The following CACNA1E variants were observed in gnomAD, a reference collection of about 807,000 sequenced individuals.
CACNA1E encodes the protein voltage-dependent R-type calcium channel subunit alpha-1E.
In CACNA1E, 40 loss-of-function variants were observed where a neutral mutation model predicts 259.2. That is an observed-to-expected ratio of 0.15 (90% CI 0.12 to 0.20). The LOEUF is 0.20. Among genes scored for constraint, CACNA1E ranks in the 10% least tolerant of loss-of-function variants. The probability of loss-of-function intolerance (pLI) is 1.00; values close to 1 mark genes in which losing one functional copy is unlikely to be tolerated. For synonymous variants in CACNA1E, 1,104 were observed against 1,138.5 expected (o/e 0.97, Z 0.61); for missense variants, 1,874 against 3,040.1 (o/e 0.62, Z 9.02).
chr1:181,380,173 A>G (rs1387644186), intron 1 of CACNA1E, among the ~76,000 whole-genome samples: 2 of 151,814 alleles, frequency 1.3e-5, no homozygotes, highest in Admixed American at 6.6e-5. Context: ...AAGAGGAAAA[A>G]ACTTATCAAT....
chr1:181,501,949 T>G (rs202080588), intron 1 of CACNA1E, among the ~76,000 whole-genome samples: 2 of 152,228 alleles, frequency 1.3e-5, no homozygotes, highest in East Asian at 3.8e-4. Context: ...TTTTAGTCTT[T>G]TTTTTTAAGA....
intron 1 of CACNA1E, among the ~76,000 whole-genome samples, chr1:181,336,917 A>G (rs1231305510): frequency 2.7e-5 from 3 of 112,660 alleles, no homozygotes; most frequent in African/African-American, 1.0e-4. Flanking sequence ...TTTATATTAC[A>G]TCTATATAAT....
intron 1 of CACNA1E, among the ~76,000 whole-genome samples, chr1:181,338,415 A>G (rs990012367): frequency 4.0e-5 from 6 of 151,476 alleles, no homozygotes; most frequent in African/African-American, 1.5e-4. Context: ...CATTTCCCTG[A>G]TGATTAGTGA....
At chr1:181,331,213 G>GAGAC (rs139141886) in intron 1 of CACNA1E, among the ~76,000 whole-genome samples, 1 of 151,670 alleles carries the variant, frequency 6.6e-6, no homozygotes, top group Non-Finnish European at 1.5e-5. Flanking sequence ...GAATCAATAG[G>GAGAC]AGATAGATAG....
chr1:181,685,389 G>A (rs547811859), intron 7 of CACNA1E, among the ~76,000 whole-genome samples: 12 of 152,102 alleles, frequency 7.9e-5, no homozygotes, highest in Admixed American at 5.2e-4. Context: ...TGAGGGAACC[G>A]AGTTGGAATG....
intron 1 of CACNA1E, among the ~76,000 whole-genome samples, chr1:181,338,142 G>A (rs935859787): frequency 6.6e-6 from 1 of 152,154 alleles, no homozygotes; most frequent in African/African-American, 2.4e-5. Flanking sequence ...CTGGAGTGCG[G>A]TGGCGTGATC....
chr1:181,729,216 C>T (rs557474613), intron 18 of CACNA1E, among the ~76,000 whole-genome samples: 59 of 151,428 alleles, frequency 3.9e-4, no homozygotes, highest in African/African-American at 1.3e-3. Context: ...GGTGTGTGTG[C>T]CCTGCTCAGC....
intron 2 of CACNA1E, among the ~76,000 whole-genome samples, chr1:181,456,236 A>G (rs1661455206): frequency 6.6e-6 from 1 of 152,150 alleles, no homozygotes; most frequent in Non-Finnish European, 1.5e-5. Context: ...AAGGCTGGAA[A>G]TTAGTGCAGG....
chr1:181,726,529 G>A (rs1343228886), intron 18 of CACNA1E, among the ~76,000 whole-genome samples: 1 of 151,726 alleles, frequency 6.6e-6, no homozygotes, highest in Non-Finnish European at 1.5e-5. Flanking sequence ...ACATTTTGAA[G>A]GAAGAGTGTT....
chr1:181,393,225 G>A (rs1656421804), intron 1 of CACNA1E, among the ~76,000 whole-genome samples: 2 of 152,214 alleles, frequency 1.3e-5, no homozygotes, highest in Admixed American at 6.5e-5. Context: ...ACCAGTTATG[G>A]GATTTTAGGA....
intron 1 of CACNA1E, among the ~76,000 whole-genome samples, chr1:181,362,186 A>T (rs972445210): frequency 2.0e-5 from 3 of 152,190 alleles, no homozygotes; most frequent in Admixed American, 6.5e-5. Flanking sequence ...ATCCTTCCTC[A>T]TCAGAGCCCA....
rs1558321554 is a variant in CACNA1E at position 181,733,414 on chromosome 1, T to C, written c.2949-23T>C. 2.7e-6 allele frequency: 4 copies of C among 1,485,156 alleles called. No homozygotes were observed. The South Asian group carries it at 4.2e-5, about 16-fold the overall frequency. The allele number at this position is 1,485,156 out of a possible 1,614,324, so 92.0% of individuals were successfully genotyped here. ...TTGGGGACAGCGTCTGAGCACCAGC[T>C]CTCTCTTCCTCTCTCTTCACAGGAC... On this transcript the variant is annotated intron_variant, in intron 20 of 47. Coordinates refer to ENST00000367573, the MANE Select transcript of CACNA1E (RefSeq NM_001205293.3).
chr1:181,482,614 C>T (rs964057446), upstream of CACNA1E, among the ~76,000 whole-genome samples: 9 of 151,820 alleles, frequency 5.9e-5, no homozygotes, highest in African/African-American at 1.9e-4. Context: ...GCGCGCCTCG[C>T]TGCGCCTCTG....
rs60302499 is a variant in CACNA1E at position 181,596,557 on chromosome 1, CGTGTGTGTGTGT to C, written c.951+15810_951+15821del. The stretch of plus-strand genomic sequence containing the variant: ...AGAGTAGTCTTCCACCCACCATGTA[CGTGTGTGTGTGT>C]GTGTGTGTGTGTGTGTGTGTGTGTG... On this transcript the variant is annotated intron_variant, in intron 6 of 47. Transcript: ENST00000367573. Among the ~76,000 whole-genome samples, 1,083 of 140,594 alleles carry C rather than the reference CGTGTGTGTGTGT, an allele frequency of 7.7e-3. 9 individuals carry two copies. Among genetic ancestry groups the C allele is most frequent in the African/African-American group, 0.018 (688 of 38,138 alleles). 92.2% of individuals were successfully genotyped at this position (140,594 alleles called of 152,430 possible).
intron 7 of CACNA1E, among the ~76,000 whole-genome samples, chr1:181,681,525 A>G (rs1295573793): frequency 1.3e-5 from 2 of 152,128 alleles, no homozygotes; most frequent in East Asian, 1.9e-4. Context: ...AGCCTACCAA[A>G]TGGTGTCCCT....
In CACNA1E at chr1:181,803,018, G is replaced by T. The variant is rs1346473883; in HGVS notation, c.*4184G>T. On this transcript the variant is annotated 3_prime_UTR_variant, in exon 48 of 48. Transcript: ENST00000367573. ...AAGGATTTTGAGATTTGAAGGTTAAGGAATTTTTACTGCTATTTTTGTTCA... is the reference window on the plus strand; with the variant it reads ...AAGGATTTTGAGATTTGAAGGTTAATGAATTTTTACTGCTATTTTTGTTCA... 2 of 152,192 alleles carry T rather than the reference G, an allele frequency of 1.3e-5. No homozygotes were observed. The highest frequency in any genetic ancestry group is 6.5e-5 in the Admixed American group (1 of 15,284). 9.4% of individuals were successfully genotyped at this position (152,192 alleles called of 1,614,324 possible).
chr1:181,711,988 G>A (rs1572672477), intron 8 of CACNA1E, among the ~76,000 whole-genome samples: 1 of 152,284 alleles, frequency 6.6e-6, no homozygotes, highest in Non-Finnish European at 1.5e-5. Context: ...GAAGCAGAGG[G>A]ACTAGTAGTG....
At chr1:181,745,396 C>G in intron 25 of CACNA1E, 1 of 484,500 alleles carries the variant, frequency 2.1e-6, no homozygotes, top group Non-Finnish European at 4.0e-6. Context: ...GATCTCAGCC[C>G]GTGGCCACAG....
intron 1 of CACNA1E, among the ~76,000 whole-genome samples, chr1:181,509,013 C>T (rs767593798): frequency 1.4e-4 from 22 of 151,896 alleles, no homozygotes; most frequent in Admixed American, 5.2e-4. Flanking sequence ...GCTAGAGGTG[C>T]GTGGGAAGGA....
Sources: gnomAD v4.1 joint callset for allele counts (sites outside exome capture counted in the v4.1 genomes callset) on GRCh38, gnomAD v4.1.1 for gene constraint, MANE v1.5 for transcripts, NCBI Gene and HGNC (gene_info 2026-07-23, HGNC 2026-07-21) for gene names.